The following DHX57 variants were observed in gnomAD, a reference collection of about 807,000 sequenced individuals.
The protein encoded by DHX57 is DExH-box helicase 57.
Under a neutral mutation model 156.2 loss-of-function variants are expected in DHX57, and 105 were observed. The ratio of observed to expected loss-of-function variants is 0.67; its 90% CI spans 0.57 to 0.79. DHX57 has a LOEUF of 0.79. Among genes scored for constraint, DHX57 ranks in the 30% least tolerant of loss-of-function variants. DHX57 has a pLI of 0.00. For missense variants in DHX57, 1,847 were observed against 1,661.9 expected (o/e 1.11, Z -1.94); for synonymous variants, 704 against 595.6 (o/e 1.18, Z -2.65).
intron 15 of DHX57, 40 bp downstream of exon 15, chr2:38,826,476 A>AT (rs1369589951): frequency 6.3e-7 from 1 of 1,598,880 alleles, no homozygotes; most frequent in Non-Finnish European, 8.5e-7. Context: ...TAAATGAAGC[A>AT]TTTTTAGCCC....
chr2:38,865,330 C>T (rs900045295), intron 2 of DHX57, among the ~76,000 whole-genome samples: 6 of 152,104 alleles, frequency 3.9e-5, no homozygotes, highest in African/African-American at 7.2e-5. Flanking sequence ...TAACTTCTCA[C>T]GAGATCTGAT....
intron 19 of DHX57, among the ~76,000 whole-genome samples, chr2:38,817,142 G>C (rs1258215401): frequency 6.6e-6 from 1 of 152,062 alleles, no homozygotes; most frequent in African/African-American, 2.4e-5. Flanking sequence ...ATGTTGCCCG[G>C]GCTGGTCTCG....
intron 22 of DHX57, among the ~76,000 whole-genome samples, chr2:38,803,593 T>G (rs1469556096): frequency 6.6e-6 from 1 of 151,888 alleles, no homozygotes; most frequent in Non-Finnish European, 1.5e-5. Flanking sequence ...GTTCAAGTGA[T>G]TCTCCTGCCT....
At chr2:38,813,734 A>C (rs1670389232) in intron 21 of DHX57, 87 bp downstream of exon 21, 2 of 1,463,640 alleles carry the variant, frequency 1.4e-6, no homozygotes, top group African/African-American at 1.4e-5. Flanking sequence ...TATCTCTTTA[A>C]GATGATTAAT....
At chr2:38,848,214 A>C (rs11124651) in intron 10 of DHX57, 55 bp downstream of exon 10, 939,249 of 1,482,212 alleles carry the variant, frequency 0.63, 302,725 homozygotes, top group East Asian at 0.85. Flanking sequence ...CAAACTTTAA[A>C]ATAATTATAT....
intron 11 of DHX57, among the ~76,000 whole-genome samples, chr2:38,843,883 G>A (rs1441429031): frequency 6.6e-6 from 1 of 151,908 alleles, no homozygotes; most frequent in African/African-American, 2.4e-5. Context: ...TTTTTCCCTG[G>A]AGCCTTAAAT....
chr2:38,865,490 C>T (rs1665023853), intron 2 of DHX57, among the ~76,000 whole-genome samples: 1 of 152,194 alleles, frequency 6.6e-6, no homozygotes. Flanking sequence ...TCAATTAAAC[C>T]TCTTTCCTTT....
At chr2:38,821,887 T>C (rs565856371) in intron 17 of DHX57, among the ~76,000 whole-genome samples, 13 of 152,058 alleles carry the variant, frequency 8.5e-5, no homozygotes, top group Non-Finnish European at 1.9e-4. Context: ...GCCAATAAAT[T>C]AGATAAGTTA....
intron 21 of DHX57, among the ~76,000 whole-genome samples, chr2:38,809,624 G>C (rs1670137437): frequency 6.6e-6 from 1 of 151,740 alleles, no homozygotes; most frequent in African/African-American, 2.4e-5. Flanking sequence ...ACCATGCCTG[G>C]CTAATTTTTT....
rs777200608 is a variant in DHX57 at position 38,848,384 on chromosome 2, A to G, written c.2049T>C (p.Val683=). The G allele has an allele frequency of 8.7e-6, 14 of 1,603,240 alleles. No homozygotes were observed. In the South Asian group the frequency reaches 1.6e-4, roughly 18 times the overall value. The change falls in exon 10 of 24, where the codon GTT becomes GTC. Residue 683 remains valine, a synonymous_variant. Transcript: ENST00000457308. ...RTEESDFLLL[V]LKDIVSQRPG... Reference sequence around the variant, plus strand: ...GCCTCTGCGATACAATGTCCTTCAAAACTAGCAGCAAGAAGTCACTAGAGA... The same window carrying G: ...GCCTCTGCGATACAATGTCCTTCAAGACTAGCAGCAAGAAGTCACTAGAGA...
intron 12 of DHX57, among the ~76,000 whole-genome samples, chr2:38,840,941 C>G (rs1240934635): frequency 6.6e-6 from 1 of 152,172 alleles, no homozygotes; most frequent in African/African-American, 2.4e-5. Flanking sequence ...GCCTCAGCCT[C>G]CTGAGTAGCT....
At chr2:38,848,424 C>T (rs368967595) in intron 9 of DHX57, 22 bp from the exon 10 acceptor site, 18 of 1,567,006 alleles carry the variant, frequency 1.1e-5, no homozygotes, top group Non-Finnish European at 1.5e-5. Context: ...AAAAGAAACA[C>T]CTGAGGATCA....
intron 21 of DHX57, chr2:38,811,595 G>C: frequency 7.3e-7 from 1 of 1,368,522 alleles, no homozygotes; most frequent in Non-Finnish European, 1.0e-6. Context: ...GCCACACGAG[G>C]ATGCAGGAGG....
At chr2:38,827,804 C>A (rs1490939283) in intron 14 of DHX57, among the ~76,000 whole-genome samples, 2 of 151,994 alleles carry the variant, frequency 1.3e-5, no homozygotes, top group African/African-American at 4.8e-5. Context: ...CCCCCACTAT[C>A]TGGGGCTCTG....
rs1041766978 is a variant in DHX57, at chr2:38,802,745, A to G, written c.3987T>C (p.Gly1329=). 4.3e-6 allele frequency: 7 copies of G among 1,614,126 alleles called. No individual in the cohort carries two copies. The highest frequency in any genetic ancestry group is 5.1e-6 in the Non-Finnish European group (6 of 1,180,012). Residue 1329 remains glycine (G), a synonymous_variant, in exon 23 of 24, where the codon GGT becomes GGC. Coordinates refer to ENST00000457308, the MANE Select transcript of DHX57 (RefSeq NM_198963.3). ...GGGAAGCAGCTACAAAACGGATCCAACCATCATCCAGGGAGACAACGAACT... is the reference window on the plus strand; with the variant it reads ...GGGAAGCAGCTACAAAACGGATCCAGCCATCATCCAGGGAGACAACGAACT... ...RGEFVVSLDD[G]WIRFVAASHQ...
intron 13 of DHX57, among the ~76,000 whole-genome samples, chr2:38,836,673 C>G (rs1043639271): frequency 1.3e-5 from 2 of 150,274 alleles, no homozygotes; most frequent in African/African-American, 4.9e-5. Context: ...ACTTGGGAAG[C>G]TGAGGCCAGA....
rs758280427 is a variant in DHX57 at position 38,861,266 on chromosome 2, G to C, written c.1144C>G (p.Pro382Ala). Residue 382 changes from proline (P) to alanine (A), a missense_variant, in exon 5 of 24, where the codon CCT (proline) becomes GCT (alanine). Transcript: ENST00000457308. Reference protein sequence around the residue: ...VAFYSTNENLPLACRLHISEF... With the variant: ...VAFYSTNENLALACRLHISEF... ...GAAATATGTAAACGACAAGCCAGAG[G>C]TAGGTTCTCATTGGTGGAATAAAAT... 2 of 1,614,076 alleles carry C rather than the reference G, an allele frequency of 1.2e-6. No individual in the cohort carries two copies. The highest frequency in any genetic ancestry group is 1.7e-6 in the Non-Finnish European group (2 of 1,180,044).
At chr2:38,815,499 G>A in intron 20 of DHX57, 22 bp downstream of exon 20, 1 of 1,613,738 alleles carries the variant, frequency 6.2e-7, no homozygotes, top group East Asian at 2.2e-5. Flanking sequence ...AGAGAAATGA[G>A]AACCAACTCC....
chr2:38,854,084 A>G lies in DHX57; in HGVS notation c.2000T>C (p.Val667Ala), dbSNP rs1417146503. ...TTCTGTCCTCTCATGAACTTCATCA[A>G]CAATGATATGGGAAACTCCTTGTAG... is the stretch of plus-strand genomic sequence containing the variant. The part of the protein sequence containing the change: ...TALQGVSHII[V>A]DEVHERTEES... Residue 667 changes from valine (V) to alanine (A), a missense_variant, in exon 9 of 24, where the codon GTT (valine) becomes GCT (alanine). Coordinates refer to ENST00000457308, the MANE Select transcript of DHX57 (RefSeq NM_198963.3). 2 of 1,613,716 alleles carry G rather than the reference A, an allele frequency of 1.2e-6. No homozygotes were observed. The highest frequency in any genetic ancestry group is 1.1e-5 in the South Asian group (1 of 90,980).
Sources: gnomAD v4.1 joint callset for allele counts (sites outside exome capture counted in the v4.1 genomes callset) on GRCh38, gnomAD v4.1.1 for gene constraint, MANE v1.5 for transcripts, NCBI Gene and HGNC (gene_info 2026-07-23, HGNC 2026-07-21) for gene names.